ADGRG2: variants seen among roughly 807,000 people sequenced by gnomAD.
The protein encoded by ADGRG2 is G protein-coupled receptor 64.
In ADGRG2, 26 loss-of-function variants were observed where a neutral mutation model predicts 74.1. That is an observed-to-expected ratio of 0.35 (90% CI 0.26 to 0.49). The LOEUF (loss-of-function observed/expected upper bound fraction) is 0.49, where lower values mean the gene tolerates loss of function less well. Among genes scored for constraint, ADGRG2 ranks in the 20% least tolerant of loss-of-function variants. The pLI, the probability that ADGRG2 is intolerant of heterozygous loss-of-function variation, is 0.99. For missense variants in ADGRG2, 619 were observed against 763.1 expected, an observed-to-expected ratio of 0.81 and a Z score of 2.22; for synonymous variants, 296 against 295.2, an observed-to-expected ratio of 1.00 and a Z score of -0.03.
At chrX:19,021,240 G>A in intron 13 of ADGRG2, 42 bp from the exon 14 acceptor site, 1 of 685,240 alleles carries the variant, frequency 1.5e-6, no homozygotes, top group South Asian at 2.2e-5. Context: ...TACTAAATGG[G>A]AAACCTACTT....
Position 19,002,838 on chromosome X carries a change from A to G in ADGRG2, c.2230+8T>C, listed in dbSNP as rs770929926. On this transcript the variant is annotated splice_region_variant and intron_variant, in intron 24 of 28. Transcript: ENST00000379869. Reference sequence around the variant, plus strand: ...GTCCAGGCAACATGCAGGCAAGCTTATACATACCCCAACCGACAATGCAGA... The same window carrying G: ...GTCCAGGCAACATGCAGGCAAGCTTGTACATACCCCAACCGACAATGCAGA... The G allele has an allele frequency of 1.7e-6, 2 of 1,205,771 alleles. No individual in the cohort carries two copies. The highest frequency in any genetic ancestry group is 2.2e-6 in the Non-Finnish European group (2 of 891,632).
At chrX:19,108,658 A>C (rs936744029) in intron 1 of ADGRG2, among the ~76,000 whole-genome samples, 7 of 111,987 alleles carry the variant, frequency 6.3e-5, no homozygotes, top group Non-Finnish European at 1.1e-4. Flanking sequence ...AGCAGAAGTC[A>C]GGTAGCCTGT....
intron 3 of ADGRG2, among the ~76,000 whole-genome samples, chrX:19,049,455 T>TTTTTTTTTTTTTTTTTTTTTTG (rs1328733136): frequency 1.1e-5 from 1 of 90,992 alleles, no homozygotes; most frequent in African/African-American, 4.8e-5. Flanking sequence ...TTTTTTTTTT[T>TTTTTTTTTTTTTTTTTTTTTTG]TTGTTGTTGT....
Position 19,023,930 on chromosome X carries a change from T to C in ADGRG2, c.489A>G (p.Lys163=). The C allele has an allele frequency of 8.4e-7, 1 of 1,188,366 alleles. No individual in the cohort carries two copies. Among genetic ancestry groups the C allele is most frequent in the Admixed American group, 2.2e-5 (1 of 45,900 alleles). The change falls in exon 12 of 29, where the codon AAA becomes AAG. Residue 163 remains lysine (K), a synonymous_variant. Coordinates refer to ENST00000379869, the MANE Select transcript of ADGRG2 (RefSeq NM_001079858.3). Reference sequence around the variant, plus strand: ...TTACCTCACTTAGGGTTTGCAGGGTTTTGTTGAGCTCTGAGCGTCTGTAAT... The same window carrying C: ...TTACCTCACTTAGGGTTTGCAGGGTCTTGTTGAGCTCTGAGCGTCTGTAAT... The part of the protein sequence containing the change: ...LSELKRSELN[K]TLQTLSETYF...
In ADGRG2 at chrX:19,009,687, C is replaced by G. The variant is rs370979894; in HGVS notation, c.1361G>C (p.Arg454Thr). Residue 454 changes from arginine to threonine, a missense_variant, in exon 18 of 29, where the codon AGA (arginine) becomes ACA (threonine). By Grantham distance (71) the Arg-to-Thr change is moderately conservative. Around this residue, in one of 3 missense-constraint regions of ADGRG2, gnomAD observed 221 missense variants for 340.6 expected, o/e 0.65. Transcript: ENST00000379869. The part of the protein sequence containing the change: ...TSPSLALAVI[R>T]VNASSFNTTT... Reference sequence around the variant, plus strand: ...TGTGTTGAAACTACTGGCATTCACTCTGATCACAGCCAGAGCCAAAGAAGG... The same window carrying G: ...TGTGTTGAAACTACTGGCATTCACTGTGATCACAGCCAGAGCCAAAGAAGG... 8.3e-7 allele frequency: 1 copy of G among 1,207,559 alleles called. No homozygotes were observed. The highest frequency in any genetic ancestry group is 1.1e-6 in the Non-Finnish European group (1 of 891,448).
At chrX:19,004,311 G>C (rs747098784) in intron 23 of ADGRG2, among the ~76,000 whole-genome samples, 16 of 112,164 alleles carry the variant, frequency 1.4e-4, no homozygotes, top group Non-Finnish European at 2.6e-4. Context: ...ATTTTTTTCA[G>C]TAAAGCTTTT....
At chrX:19,056,591 A>G (rs2061413753) in intron 3 of ADGRG2, among the ~76,000 whole-genome samples, 1 of 112,047 alleles carries the variant, frequency 8.9e-6, no homozygotes, top group African/African-American at 3.2e-5. Flanking sequence ...TAGAAATCCT[A>G]CTTAGTTGGA....
chrX:19,095,068 A>C (rs772218484), intron 1 of ADGRG2, among the ~76,000 whole-genome samples: 2 of 112,000 alleles, frequency 1.8e-5, no homozygotes, highest in Non-Finnish European at 3.8e-5. Context: ...ACTGGACACA[A>C]AAACAGCCCA....
chrX:18,989,929 C>T lies in ADGRG2; in HGVS notation c.*935G>A, dbSNP rs1014390030. The T allele has an allele frequency of 1.8e-5, 2 of 112,408 alleles. No individual in the cohort carries two copies. Among genetic ancestry groups the T allele is most frequent in the African/African-American group, 3.2e-5 (1 of 30,863 alleles). 9.3% of individuals were successfully genotyped at this position (112,408 alleles called of 1,213,427 possible). On this transcript the variant is annotated 3_prime_UTR_variant, in exon 29 of 29. Coordinates refer to ENST00000379869, the MANE Select transcript of ADGRG2 (RefSeq NM_001079858.3). Reference sequence around the variant, plus strand: ...TCATCTACGTTCACAATTTTCCTGACACATGGTCTGGATGACAGTTCATCC... The same window carrying T: ...TCATCTACGTTCACAATTTTCCTGATACATGGTCTGGATGACAGTTCATCC...
intron 1 of ADGRG2, among the ~76,000 whole-genome samples, chrX:19,112,051 A>C (rs1029689723): frequency 1.6e-4 from 18 of 109,886 alleles, no homozygotes; most frequent in Admixed American, 9.8e-5. Context: ...ACTGGATGCT[A>C]AATCTAAAGG....
At chrX:19,060,205 G>A (rs1022178896) in intron 3 of ADGRG2, among the ~76,000 whole-genome samples, 1 of 112,491 alleles carries the variant, frequency 8.9e-6, no homozygotes, top group African/African-American at 3.2e-5. Flanking sequence ...GCAAGGCAAG[G>A]ACAGCAACGA....
At chrX:19,118,456 G>A (rs1351001392) in intron 1 of ADGRG2, among the ~76,000 whole-genome samples, 2 of 112,276 alleles carry the variant, frequency 1.8e-5, no homozygotes, top group Non-Finnish European at 3.8e-5. Context: ...CCCAATCATA[G>A]CTCACTGCAG....
At chrX:19,055,240 TTGTGTGTG>T (rs35438679) in intron 3 of ADGRG2, among the ~76,000 whole-genome samples, 4,421 of 103,608 alleles carry the variant, frequency 0.043, 107 homozygotes, top group Non-Finnish European at 0.067. Flanking sequence ...GCAAATCCCT[TTGTGTGTG>T]TGTGTGTGTG....
intron 7 of ADGRG2, 127 bp from the exon 8 acceptor site, chrX:19,033,781 T>G (rs1217741026): frequency 6.9e-5 from 27 of 388,591 alleles, no homozygotes; most frequent in Middle Eastern, 4.4e-4. Context: ...TAAGACACTA[T>G]CGGTCATCTC....
intron 26 of ADGRG2, 118 bp from the exon 27 acceptor site, chrX:18,996,270 G>A: frequency 2.4e-6 from 1 of 414,975 alleles, no homozygotes; most frequent in Non-Finnish European, 4.3e-6. Context: ...ATGAAATTTT[G>A]CAAATTGAAT....
intron 26 of ADGRG2, among the ~76,000 whole-genome samples, chrX:18,998,533 TATC>T (rs1422330580): frequency 9.2e-6 from 1 of 108,443 alleles, no homozygotes; most frequent in Admixed American, 1.0e-4. Flanking sequence ...TCAATGAAAA[TATC>T]ATAAGCCACT....
intron 2 of ADGRG2, among the ~76,000 whole-genome samples, chrX:19,081,620 A>C (rs1422005544): frequency 8.9e-6 from 1 of 112,477 alleles, no homozygotes; most frequent in Admixed American, 9.4e-5. Context: ...ATTTATAGCA[A>C]TAACTTACTA....
At chrX:19,021,072 G>T in intron 14 of ADGRG2, 32 bp downstream of exon 14, 1 of 678,583 alleles carries the variant, frequency 1.5e-6, no homozygotes, top group South Asian at 2.3e-5. Context: ...AAATCCACAT[G>T]AAGATTAATG....
intron 4 of ADGRG2, 110 bp from the exon 5 acceptor site, chrX:19,037,746 G>C (rs2060972057): frequency 1.9e-6 from 1 of 513,364 alleles, no homozygotes; most frequent in Non-Finnish European, 3.2e-6. Flanking sequence ...AAACACACTA[G>C]CAGACCAAGT....
Sources: gnomAD v4.1 joint callset for allele counts (sites outside exome capture counted in the v4.1 genomes callset) on GRCh38, gnomAD v4.1.1 for gene constraint, gnomAD v4.1.1 regional missense constraint, MANE v1.5 for transcripts, NCBI Gene and HGNC (gene_info 2026-07-23, HGNC 2026-07-21) for gene names.